Variants in BCAS1 observed in about 807,000 individuals in gnomAD.
The protein encoded by BCAS1 is brain enriched myelin associated protein 1, also known as breast carcinoma-amplified sequence 1.
Under a neutral mutation model 65.4 loss-of-function variants are expected in BCAS1, and 46 were observed. That is an observed-to-expected ratio of 0.70 (90% CI 0.55 to 0.90). The LOEUF (loss-of-function observed/expected upper bound fraction) is 0.90, where lower values mean the gene tolerates loss of function less well. Among genes scored for constraint, BCAS1 ranks in the 40% least tolerant of loss-of-function variants. The pLI is 0.00. For synonymous variants in BCAS1, 298 were observed against 293.5 expected (o/e 1.02, Z -0.16); for missense variants, 793 against 771.2 (o/e 1.03, Z -0.33).
chr20:54,051,929 G>T (rs2092222377), intron 3 of BCAS1, among the ~76,000 whole-genome samples: 1 of 152,048 alleles, frequency 6.6e-6, no homozygotes, highest in Admixed American at 6.6e-5. Flanking sequence ...AGTAGAGACG[G>T]GGTTTCACCA....
intron 8 of BCAS1, among the ~76,000 whole-genome samples, chr20:53,980,896 C>T (rs1422824855): frequency 6.6e-6 from 1 of 152,146 alleles, no homozygotes; most frequent in Non-Finnish European, 1.5e-5. Flanking sequence ...TTTCTACTGC[C>T]AATGAGTATG....
intron 4 of BCAS1, among the ~76,000 whole-genome samples, chr20:54,010,460 A>C (rs1237362889): frequency 6.6e-6 from 1 of 152,220 alleles, no homozygotes; most frequent in African/African-American, 2.4e-5. Context: ...GAATGAACCC[A>C]TGGGCACTGA....
At chr20:53,970,824 A>G (rs901773755) in intron 9 of BCAS1, among the ~76,000 whole-genome samples, 5 of 152,234 alleles carry the variant, frequency 3.3e-5, no homozygotes, top group African/African-American at 1.2e-4. Context: ...CTTCATGCAC[A>G]ACGTCATATT....
chr20:54,041,601 G>C (rs1248254513), intron 3 of BCAS1, among the ~76,000 whole-genome samples: 1 of 152,070 alleles, frequency 6.6e-6, no homozygotes, highest in African/African-American at 2.4e-5. Context: ...GAGCAGCTGT[G>C]GCTGGGTACG....
At chr20:54,029,433 T>G (rs1443338972) in intron 3 of BCAS1, among the ~76,000 whole-genome samples, 1 of 152,174 alleles carries the variant, frequency 6.6e-6, no homozygotes, top group Non-Finnish European at 1.5e-5. Context: ...ATAGGCTGAT[T>G]AGCAGCATCC....
At chr20:53,974,330 T>C (rs545824852) in intron 9 of BCAS1, among the ~76,000 whole-genome samples, 16 of 152,302 alleles carry the variant, frequency 1.1e-4, no homozygotes, top group Middle Eastern at 6.8e-3. Flanking sequence ...CTTTAAGAGC[T>C]GTAACACTCA....
chr20:53,954,512 T>C (rs2089642161), intron 11 of BCAS1, among the ~76,000 whole-genome samples: 1 of 152,228 alleles, frequency 6.6e-6, no homozygotes, highest in African/African-American at 2.4e-5. Context: ...TGGTGTGAAA[T>C]TGTCCTTTTG....
intron 4 of BCAS1, among the ~76,000 whole-genome samples, chr20:54,014,638 G>T (rs2145981962): frequency 6.6e-6 from 1 of 152,288 alleles, no homozygotes; most frequent in Non-Finnish European, 1.5e-5. Flanking sequence ...GAAAGTACAG[G>T]TGAACACAAG....
At chr20:54,016,852 G>T (rs1189198741) in intron 4 of BCAS1, among the ~76,000 whole-genome samples, 1 of 152,122 alleles carries the variant, frequency 6.6e-6, no homozygotes, top group Non-Finnish European at 1.5e-5. Flanking sequence ...AATTTCAGCT[G>T]CTTATACTAA....
rs775310086 is a variant in BCAS1, at chr20:53,975,381, T to C, written c.1317+8A>G. On this transcript the variant is annotated splice_region_variant and intron_variant, in intron 9 of 12. Coordinates refer to ENST00000688948, the MANE Select transcript of BCAS1 (RefSeq NM_001366298.2). ...TGGAATGATTCTGCCGTGGTGTGTGTAACTTACATTCTCCTCCGCACCTGT... is the reference window on the plus strand; with the variant it reads ...TGGAATGATTCTGCCGTGGTGTGTGCAACTTACATTCTCCTCCGCACCTGT... The C allele has an allele frequency of 5.6e-6, 9 of 1,610,662 alleles. No homozygotes were observed. The African/African-American group carries it at 1.2e-4, about 22-fold the overall frequency.
chr20:54,061,003 A>G (rs66461137), intron 1 of BCAS1, among the ~76,000 whole-genome samples: 21,115 of 152,188 alleles, frequency 0.14, 1,934 homozygotes, highest in East Asian at 0.32. Context: ...AATGTATGAT[A>G]TATAATAATA....
At chr20:53,968,453 T>C (rs995709238) in intron 9 of BCAS1, among the ~76,000 whole-genome samples, 4 of 152,184 alleles carry the variant, frequency 2.6e-5, no homozygotes, top group African/African-American at 9.7e-5. Flanking sequence ...TTCTTTCCCA[T>C]CATACAGAAC....
chr20:53,963,462 C>T (rs1222818145), intron 10 of BCAS1, among the ~76,000 whole-genome samples: 1 of 148,266 alleles, frequency 6.7e-6, no homozygotes, highest in African/African-American at 2.5e-5. Context: ...GCCTGGGGGA[C>T]AAAGCGAGAC....
At chr20:53,966,729 T>C (rs1307270960) in intron 10 of BCAS1, among the ~76,000 whole-genome samples, 177 bp downstream of exon 10, 1 of 152,226 alleles carries the variant, frequency 6.6e-6, no homozygotes, top group African/African-American at 2.4e-5. Flanking sequence ...TGAGACTTTC[T>C]GTATGATTGA....
intron 8 of BCAS1, among the ~76,000 whole-genome samples, chr20:53,976,383 G>GT (rs780122655): frequency 1.3e-5 from 2 of 152,032 alleles, no homozygotes; most frequent in Non-Finnish European, 2.9e-5. Context: ...TGGATTACAA[G>GT]TTAAGAACTC....
At chr20:54,045,382 A>G (rs189540163) in intron 3 of BCAS1, among the ~76,000 whole-genome samples, 1 of 152,324 alleles carries the variant, frequency 6.6e-6, no homozygotes, top group Admixed American at 6.5e-5. Flanking sequence ...TTAAAGTTAT[A>G]CCAGTTGAAT....
intron 3 of BCAS1, among the ~76,000 whole-genome samples, chr20:54,048,493 G>A (rs73132914): frequency 1.5e-4 from 23 of 151,940 alleles, no homozygotes; most frequent in Non-Finnish European, 1.0e-4. Flanking sequence ...CTCCTTCCTC[G>A]CATAATACAA....
At chr20:53,966,559 G>A (rs1222349469) in intron 10 of BCAS1, among the ~76,000 whole-genome samples, 1 of 152,176 alleles carries the variant, frequency 6.6e-6, no homozygotes, top group Admixed American at 6.5e-5. Context: ...GTGCACTAAA[G>A]TCTCAGAAAT....
intron 4 of BCAS1, among the ~76,000 whole-genome samples, chr20:54,025,297 C>T (rs79602988): frequency 1.2e-3 from 178 of 152,224 alleles, no homozygotes; most frequent in African/African-American, 4.1e-3. Flanking sequence ...CTTTTAAATG[C>T]ATATCTTACA....
Sources: allele counts gnomAD v4.1 joint callset (sites outside exome capture counted in the v4.1 genomes callset), GRCh38; gene constraint gnomAD v4.1.1; transcripts MANE v1.5; gene names NCBI Gene and HGNC (gene_info 2026-07-23, HGNC 2026-07-21).